The following LCORL variants were observed in gnomAD, a reference collection of about 807,000 sequenced individuals.
LCORL encodes ligand dependent nuclear receptor corepressor like, also known as ligand-dependent nuclear receptor corepressor-like protein.
A neutral mutation model predicts 141.8 loss-of-function variants in LCORL; 41 were observed. The ratio of observed to expected loss-of-function variants is 0.29; its 90% CI spans 0.23 to 0.38. LCORL has a LOEUF of 0.38. Among genes scored for constraint, LCORL ranks in the 10% least tolerant of loss-of-function variants. The probability of loss-of-function intolerance (pLI) is 1.00; values close to 1 mark genes in which losing one functional copy is unlikely to be tolerated. For missense variants in LCORL, 1,759 were observed against 2,035.0 expected (o/e 0.86, Z 2.61); for synonymous variants, 618 against 694.1 (o/e 0.89, Z 1.72).
Position 17,884,370 on chromosome 4 carries a change from G to A in LCORL, c.776+1698C>T, listed in dbSNP as rs1224717281. 1.3e-6 allele frequency: 2 copies of A among 1,547,660 alleles called. No homozygotes were observed. Among genetic ancestry groups the A allele is most frequent in the Admixed American group, 2.0e-5 (1 of 50,048 alleles). On this transcript the variant is annotated intron_variant, in intron 6 of 7. Transcript: ENST00000635767. This position sits in a 1 kb window ranked among gnomAD's most constrained non-coding sequence, Gnocchi z 4.4. Reference sequence around the variant, plus strand: ...TTAAACTGAGTGACCATTTTCTGTAGAGTTAGCTGATGGAGGTAAGTGGAA... The same window carrying A: ...TTAAACTGAGTGACCATTTTCTGTAAAGTTAGCTGATGGAGGTAAGTGGAA...
chr4:17,917,998 C>A (rs1272978342), intron 4 of LCORL, among the ~76,000 whole-genome samples: 1 of 151,658 alleles, frequency 6.6e-6, no homozygotes, highest in Non-Finnish European at 1.5e-5. Context: ...AACAATTGCA[C>A]TATTCTCAGC....
intron 4 of LCORL, among the ~76,000 whole-genome samples, chr4:17,919,116 T>C (rs895315845): frequency 1.6e-4 from 25 of 151,758 alleles, no homozygotes; most frequent in African/African-American, 6.1e-4. Context: ...GAAAATACTA[T>C]AAAAAACAGT....
chr4:17,961,593 A>G (rs1713795177), intron 4 of LCORL, among the ~76,000 whole-genome samples: 1 of 152,006 alleles, frequency 6.6e-6, no homozygotes. Flanking sequence ...TGTTCAAGAC[A>G]GCAATACAAT....
exon 7 of LCORL, chr4:17,877,539 A>C: frequency 8.1e-7 from 1 of 1,230,470 alleles, no homozygotes; most frequent in Non-Finnish European, 1.0e-6. Context: ...ATTGCTGCTG[A>C]TTTCTGCTGG....
At chr4:17,914,206 A>G (rs1733021346) in intron 4 of LCORL, among the ~76,000 whole-genome samples, 1 of 152,242 alleles carries the variant, frequency 6.6e-6, no homozygotes, top group African/African-American at 2.4e-5. Flanking sequence ...GAAGGCTTCT[A>G]TGAACATTCT....
chr4:17,946,881 G>C (rs1386086418), intron 4 of LCORL, among the ~76,000 whole-genome samples: 2 of 151,986 alleles, frequency 1.3e-5, no homozygotes, highest in African/African-American at 4.8e-5. Flanking sequence ...AAATTGCAGA[G>C]AAAAGGGAAC....
At chr4:17,908,748 AC>A (rs1474547481) in intron 5 of LCORL, among the ~76,000 whole-genome samples, 5 of 152,194 alleles carry the variant, frequency 3.3e-5, no homozygotes, top group East Asian at 3.8e-4. Context: ...TACAAAAAAA[AC>A]GAACAAGCAA....
At chr4:17,978,968 GGTTT>G (rs1039882068) in intron 1 of LCORL, among the ~76,000 whole-genome samples, 33 of 151,958 alleles carry the variant, frequency 2.2e-4, no homozygotes, top group African/African-American at 7.5e-4. Context: ...ACAACTTGCA[GGTTT>G]GTTACATATG....
intron 5 of LCORL, among the ~76,000 whole-genome samples, chr4:17,898,657 T>TTTTG (rs1274826023): frequency 6.6e-6 from 1 of 151,356 alleles, no homozygotes; most frequent in African/African-American, 2.4e-5. Context: ...TCACCGTTTT[T>TTTTG]TTTTTTTTTT....
intron 4 of LCORL, among the ~76,000 whole-genome samples, chr4:17,947,297 T>C (rs547517084): frequency 6.6e-6 from 1 of 152,028 alleles, no homozygotes; most frequent in Non-Finnish European, 1.5e-5. Flanking sequence ...GAAAGATAAA[T>C]ATTGCATGTC....
intron 4 of LCORL, among the ~76,000 whole-genome samples, chr4:17,918,250 AT>A: frequency 6.6e-6 from 1 of 152,258 alleles, no homozygotes; most frequent in Non-Finnish European, 1.5e-5. Context: ...GGATAATCTG[AT>A]TTCCTGTTAT....
At chr4:17,995,917 A>G (rs1297554130) in intron 1 of LCORL, among the ~76,000 whole-genome samples, 1 of 152,120 alleles carries the variant, frequency 6.6e-6, no homozygotes, top group Non-Finnish European at 1.5e-5. Flanking sequence ...AATCACTGAG[A>G]TAGATACATC....
At chr4:17,844,453 GTA>G (rs1722729770) in exon 8 of LCORL, 1 of 152,390 alleles carries the variant, frequency 6.6e-6, no homozygotes, top group Non-Finnish European at 1.5e-5. Context: ...TGGAGCTAAA[GTA>G]AGATCACTGG....
chr4:17,911,623 G>A, intron 4 of LCORL: 1 of 413,436 alleles, frequency 2.4e-6, no homozygotes, highest in Non-Finnish European at 4.7e-6. Flanking sequence ...TGGATAACTT[G>A]GTCGTTGGCA....
chr4:17,987,851 G>A (rs1719269819), intron 1 of LCORL, among the ~76,000 whole-genome samples: 1 of 152,060 alleles, frequency 6.6e-6, no homozygotes, highest in Admixed American at 6.5e-5. Flanking sequence ...TTTCATTATT[G>A]AGTTGTAAGC....
At chr4:17,919,293 G>A (rs1733940901) in intron 4 of LCORL, among the ~76,000 whole-genome samples, 1 of 152,010 alleles carries the variant, frequency 6.6e-6, no homozygotes, top group African/African-American at 2.4e-5. Context: ...GGAACAAATG[G>A]CTTCAATGGT....
Position 17,994,056 on chromosome 4 carries a change from G to A in LCORL, c.155-21171C>T, listed in dbSNP as rs140299976. On this transcript the variant is annotated intron_variant, in intron 1 of 7. Transcript: ENST00000635767. ...TTGTTTCAAATGAAGTTCATTTTTG[G>A]TTGGATATGTGGGGCATAAATTAAA... Among the ~76,000 whole-genome samples, 435 of 152,220 alleles carry A rather than the reference G, an allele frequency of 2.9e-3. 2 individuals are homozygous for A. Among genetic ancestry groups the A allele is most frequent in the Non-Finnish European group, 5.1e-3 (349 of 68,004 alleles).
intron 1 of LCORL, among the ~76,000 whole-genome samples, chr4:17,984,819 T>C (rs1398640771): frequency 6.6e-6 from 1 of 152,178 alleles, no homozygotes; most frequent in Non-Finnish European, 1.5e-5. Flanking sequence ...GTTAGTTTGC[T>C]CTTGCTTCTC....
chr4:17,885,458 C>CA (rs1416450204), intron 6 of LCORL, among the ~76,000 whole-genome samples: 2 of 151,526 alleles, frequency 1.3e-5, no homozygotes, highest in African/African-American at 4.8e-5. Context: ...TTAAATGTGA[C>CA]AAAAAAGCTT....
Sources: allele counts gnomAD v4.1 joint callset (sites outside exome capture counted in the v4.1 genomes callset), GRCh38; gene constraint gnomAD v4.1.1; non-coding constraint Gnocchi (gnomAD v3.1); transcripts MANE v1.5; gene names NCBI Gene and HGNC (gene_info 2026-07-23, HGNC 2026-07-21).